RBCK1: variants seen among roughly 807,000 people sequenced by gnomAD.
RBCK1 encodes ranBP-type and C3HC4-type zinc finger-containing protein 1.
Under a neutral mutation model 71.1 loss-of-function variants are expected in RBCK1, and 44 were observed. That is an observed-to-expected ratio of 0.62 (90% CI 0.49 to 0.80). The LOEUF (loss-of-function observed/expected upper bound fraction) is 0.80, where lower values mean the gene tolerates loss of function less well. Among genes scored for constraint, RBCK1 ranks in the 30% least tolerant of loss-of-function variants. RBCK1 has a pLI of 0.00. For missense variants in RBCK1, 569 were observed against 685.0 expected (o/e 0.83, Z 1.89); for synonymous variants, 306 against 279.7 (o/e 1.09, Z -0.94).
At chr20:410,155 A>T in intron 2 of RBCK1, 130 bp downstream of exon 2, 1 of 1,048,406 alleles carries the variant, frequency 9.5e-7, no homozygotes, top group Non-Finnish European at 1.4e-6. Context: ...TATGTCATTA[A>T]TCAACTGTGA....
rs2016943544 is a variant in RBCK1 at position 430,145 on chromosome 20, T to C, written c.1453-205T>C. On this transcript the variant is annotated intron_variant, in intron 11 of 11. Transcript: ENST00000356286. The surrounding 1 kb of genome is among the most constrained non-coding windows in gnomAD (Gnocchi z 5.6). Reference sequence around the variant, plus strand: ...GAGTGGTCAGATCCTCTCCCTGGCCTGTTCCCGGATCTAGGCGTGGGTAGA... The same window carrying C: ...GAGTGGTCAGATCCTCTCCCTGGCCCGTTCCCGGATCTAGGCGTGGGTAGA... Among the ~76,000 whole-genome samples, 1 of 152,220 alleles carries C rather than the reference T, an allele frequency of 6.6e-6. No homozygotes were observed. Among genetic ancestry groups the C allele is most frequent in the South Asian group, 2.1e-4 (1 of 4,834 alleles).
At chr20:416,725 C>CACA (rs1385772097) in intron 2 of RBCK1, among the ~76,000 whole-genome samples, 4 of 152,160 alleles carry the variant, frequency 2.6e-5, no homozygotes, top group Non-Finnish European at 5.9e-5. Flanking sequence ...TCTGGCTGAA[C>CACA]ACAGTGGCTT....
chr20:425,623 A>AT (rs200677519), intron 8 of RBCK1, among the ~76,000 whole-genome samples: 2 of 130,068 alleles, frequency 1.5e-5, no homozygotes, highest in African/African-American at 5.8e-5. Context: ...TGCATGGTGT[A>AT]TTCTTTTTTT....
At chr20:411,512 C>T (rs568251181) in intron 2 of RBCK1, among the ~76,000 whole-genome samples, 5 of 152,282 alleles carry the variant, frequency 3.3e-5, no homozygotes, top group South Asian at 2.1e-4. Context: ...GGACTACAGG[C>T]GCCCGCCACC....
intron 7 of RBCK1, among the ~76,000 whole-genome samples, chr20:421,421 G>T (rs1329959403): frequency 6.6e-6 from 1 of 152,306 alleles, no homozygotes; most frequent in South Asian, 2.1e-4. Flanking sequence ...TCACCACAGC[G>T]GACCCTTGTG....
chr20:419,971 A>AT, intron 6 of RBCK1: 1 of 985,112 alleles, frequency 1.0e-6, no homozygotes, highest in Non-Finnish European at 1.2e-6. Context: ...CCAGGTTCAC[A>AT]TGCCCCACTC....
At position 431,680 on chromosome 20, in the gene RBCK1, G is replaced by A. The variant is rs561060896; in HGVS notation, c.*1250G>A. On this transcript the variant is annotated 3_prime_UTR_variant, in exon 12 of 12. Coordinates refer to ENST00000356286, the MANE Select transcript of RBCK1 (RefSeq NM_031229.4). The surrounding 1 kb of genome is among the most constrained non-coding windows in gnomAD (Gnocchi z 4.8). ...CCTGCCGTTGGATGCCAGGACTCAA[G>A]AGCTGGCCCCAGTCACTGTGCGCAG... 1.3e-5 allele frequency among the ~76,000 whole-genome samples: 2 copies of A among 152,228 alleles called. No homozygotes were observed. Among genetic ancestry groups the A allele is most frequent in the Non-Finnish European group, 2.9e-5 (2 of 68,036 alleles).
intron 2 of RBCK1, among the ~76,000 whole-genome samples, chr20:414,358 G>T (rs909586942): frequency 6.6e-6 from 1 of 152,210 alleles, no homozygotes; most frequent in Admixed American, 6.5e-5. Flanking sequence ...GTTGCAGTGA[G>T]CCATGATCAT....
In RBCK1 at chr20:422,048, G is replaced by T; in HGVS notation, c.918-79G>T. 1 of 1,139,884 alleles carries T rather than the reference G, an allele frequency of 8.8e-7. No homozygotes were observed. The highest frequency in any genetic ancestry group is 1.3e-5 in the South Asian group (1 of 77,486). 70.6% of individuals were successfully genotyped at this position (1,139,884 alleles called of 1,614,324 possible). ...TGACTGAGTGAGGCCCCTGGGGTCAGGCCTTGCCATGTGAGGGATGGAGTC... is the reference window on the plus strand; with the variant it reads ...TGACTGAGTGAGGCCCCTGGGGTCATGCCTTGCCATGTGAGGGATGGAGTC... On this transcript the variant is annotated intron_variant, in intron 7 of 11. Transcript: ENST00000356286. The surrounding 1 kb of genome is among the most constrained non-coding windows in gnomAD (Gnocchi z 5.0).
At chr20:413,902 TAA>T (rs1180612576) in intron 2 of RBCK1, among the ~76,000 whole-genome samples, 13 of 111,418 alleles carry the variant, frequency 1.2e-4, no homozygotes, top group Admixed American at 2.1e-4. Flanking sequence ...TTTAAAAAGA[TAA>T]GAGACAAATC....
intron 6 of RBCK1, 27 bp from the exon 7 acceptor site, chr20:420,844 C>A (rs1375843388): frequency 6.5e-7 from 1 of 1,538,916 alleles, no homozygotes; most frequent in Admixed American, 2.0e-5. Flanking sequence ...CCCTGACCCG[C>A]CCCGTGGCCC....
At chr20:424,681 G>A (rs1287129707) in intron 8 of RBCK1, among the ~76,000 whole-genome samples, 1 of 152,172 alleles carries the variant, frequency 6.6e-6, no homozygotes, top group African/African-American at 2.4e-5. Context: ...TATGTCCCCA[G>A]CACCCATAGC....
intron 2 of RBCK1, among the ~76,000 whole-genome samples, chr20:414,078 G>A (rs1404390650): frequency 3.4e-5 from 5 of 147,192 alleles, no homozygotes; most frequent in African/African-American, 4.9e-5. Context: ...CATGATTATC[G>A]ATGTGGTTCA....
At chr20:412,114 C>T (rs546469428) in intron 2 of RBCK1, among the ~76,000 whole-genome samples, 1 of 152,154 alleles carries the variant, frequency 6.6e-6, no homozygotes, top group East Asian at 1.9e-4. Context: ...TATGAGGGTT[C>T]TAGTTTCTCC....
chr20:431,557 C>T lies in RBCK1; in HGVS notation c.*1127C>T, dbSNP rs929848991. On this transcript the variant is annotated 3_prime_UTR_variant, in exon 12 of 12. Coordinates refer to ENST00000356286, the MANE Select transcript of RBCK1 (RefSeq NM_031229.4). The surrounding 1 kb of genome is among the most constrained non-coding windows in gnomAD (Gnocchi z 4.8). ...GCCCAACACATTGTCCACGCTGTGA[C>T]GTGACCATCATCATAGCAGGCAGAG... Among the ~76,000 whole-genome samples the T allele has an allele frequency of 4.6e-5, 7 of 152,146 alleles. No homozygotes were observed. The highest frequency in any genetic ancestry group is 2.1e-4 in the South Asian group (1 of 4,830).
Position 420,522 on chromosome 20 carries a change from C to T in RBCK1, c.757-349C>T, listed in dbSNP as rs1010192554. ...CCTGCTACCTGACTCACCACTCAGA[C>T]CCCGGCCCCCTTCCTTACCTTGCTG... On this transcript the variant is annotated intron_variant, in intron 6 of 11. Coordinates refer to ENST00000356286, the MANE Select transcript of RBCK1 (RefSeq NM_031229.4). 2.1e-5 allele frequency: 21 copies of T among 984,464 alleles called. 1 individual carries two copies. In the Admixed American group the frequency reaches 1.1e-3, roughly 52 times the overall value. 61.0% of individuals were successfully genotyped at this position (984,464 alleles called of 1,614,324 possible).
chr20:411,888 T>G (rs2122186018), intron 2 of RBCK1, among the ~76,000 whole-genome samples: 1 of 152,390 alleles, frequency 6.6e-6, no homozygotes, highest in Admixed American at 6.5e-5. Context: ...ATTAAATCAG[T>G]TGATGGACAT....
rs563326249 is a variant in RBCK1 at position 414,146 on chromosome 20, G to A, written c.168-3380G>A. 2.1e-4 allele frequency among the ~76,000 whole-genome samples: 32 copies of A among 152,002 alleles called. 1 individual carries two copies. The highest frequency in any genetic ancestry group is 5.1e-4 in the African/African-American group (21 of 41,496). ...CTCCAATGAGCAGGTATAAACTCAC[G>A]CTGGGCATGGCGGCTCAGCACTTTG... On this transcript the variant is annotated intron_variant, in intron 2 of 11. Coordinates refer to ENST00000356286, the MANE Select transcript of RBCK1 (RefSeq NM_031229.4).
In RBCK1 at chr20:409,954, C is replaced by T; in HGVS notation, c.96C>T (p.Ile32=). Residue 32 remains isoleucine, a synonymous_variant, in exon 2 of 12, where the codon ATC becomes ATT. Transcript: ENST00000356286. ...GDEQVAMKCA[I]WLAEQRVPLS... is the part of the protein sequence containing the mutation. Reference sequence around the variant, plus strand: ...AACAGGTGGCAATGAAGTGTGCCATCTGGCTGGCAGAGCAACGGGTGCCCC... The same window carrying T: ...AACAGGTGGCAATGAAGTGTGCCATTTGGCTGGCAGAGCAACGGGTGCCCC... 1 of 1,614,172 alleles carries T rather than the reference C, an allele frequency of 6.2e-7. No homozygotes were observed. The highest frequency in any genetic ancestry group is 8.5e-7 in the Non-Finnish European group (1 of 1,180,042).
Sources: allele counts gnomAD v4.1 joint callset (sites outside exome capture counted in the v4.1 genomes callset), GRCh38; gene constraint gnomAD v4.1.1; non-coding constraint Gnocchi (gnomAD v3.1); transcripts MANE v1.5; gene names NCBI Gene and HGNC (gene_info 2026-07-23, HGNC 2026-07-21).